GPC5: variants seen among roughly 807,000 people sequenced by gnomAD.
GPC5 encodes the protein glypican 5, also known as glypican-5.
A neutral mutation model predicts 53.9 loss-of-function variants in GPC5; 47 were observed. The ratio of observed to expected loss-of-function variants is 0.87; its 90% CI spans 0.69 to 1.11. GPC5 has a LOEUF of 1.11. GPC5 is among the 50% of genes most tolerant of loss of function. The pLI is 0.00. For missense variants in GPC5, 748 were observed against 713.1 expected (o/e 1.05, Z -0.56); for synonymous variants, 286 against 263.3 (o/e 1.09, Z -0.84).
intron 6 of GPC5, among the ~76,000 whole-genome samples, chr13:92,065,574 G>C (rs981506984): frequency 6.6e-6 from 1 of 152,078 alleles, no homozygotes. Context: ...AACTTCATAT[G>C]TTCTTATCAT....
chr13:92,332,988 C>T (rs2043298473), intron 7 of GPC5, among the ~76,000 whole-genome samples: 1 of 152,148 alleles, frequency 6.6e-6, no homozygotes, highest in Admixed American at 6.6e-5. Flanking sequence ...GTTGTCTTCA[C>T]TGTTTTGGAG....
chr13:91,736,194 A>G (rs963593203), intron 4 of GPC5, among the ~76,000 whole-genome samples: 1 of 151,318 alleles, frequency 6.6e-6, no homozygotes, highest in Non-Finnish European at 1.5e-5. Flanking sequence ...AAAATAATAA[A>G]GCAGGAATGT....
intron 7 of GPC5, among the ~76,000 whole-genome samples, chr13:92,676,562 C>T (rs1886945553): frequency 6.6e-6 from 1 of 152,048 alleles, no homozygotes; most frequent in Non-Finnish European, 1.5e-5. Context: ...TGGAGTCAGG[C>T]AAACCTCAGG....
chr13:92,784,737 A>G (rs1876154649), intron 7 of GPC5, among the ~76,000 whole-genome samples: 1 of 152,202 alleles, frequency 6.6e-6, no homozygotes, highest in African/African-American at 2.4e-5. Flanking sequence ...GATGCTTTCC[A>G]CAAATCAAAC....
intron 7 of GPC5, among the ~76,000 whole-genome samples, chr13:92,408,342 T>C (rs1468247760): frequency 5.3e-5 from 8 of 152,216 alleles, no homozygotes; most frequent in Non-Finnish European, 1.5e-5. Context: ...TTTCTTCTTA[T>C]TTCATGCTCA....
chr13:92,563,860 A>G (rs920829396), intron 7 of GPC5, among the ~76,000 whole-genome samples: 12 of 152,154 alleles, frequency 7.9e-5, no homozygotes, highest in African/African-American at 2.9e-4. Flanking sequence ...AAACACTTTC[A>G]TTCATTTATG....
chr13:92,532,107 G>C (rs1458167360), intron 7 of GPC5, among the ~76,000 whole-genome samples: 1 of 152,046 alleles, frequency 6.6e-6, no homozygotes, highest in Non-Finnish European at 1.5e-5. Context: ...ATCTATCACT[G>C]ACTTCCACAG....
chr13:92,586,703 C>T (rs936029782), intron 7 of GPC5, among the ~76,000 whole-genome samples: 8 of 152,156 alleles, frequency 5.3e-5, no homozygotes, highest in African/African-American at 1.7e-4. Flanking sequence ...GTGAATATGA[C>T]ACAGTCCTGC....
chr13:91,635,804 T>A (rs1466934958), intron 2 of GPC5, among the ~76,000 whole-genome samples: 1 of 152,120 alleles, frequency 6.6e-6, no homozygotes. Flanking sequence ...AATTATATTG[T>A]CAGTTTCATA....
At chr13:92,286,124 C>T (rs4517656) in intron 7 of GPC5, among the ~76,000 whole-genome samples, 4,330 of 152,240 alleles carry the variant, frequency 0.028, 221 homozygotes, top group African/African-American at 0.099. Flanking sequence ...AGCCAACAGA[C>T]ACGTGAAAAA....
chr13:91,413,580 T>G (rs754339260), intron 1 of GPC5, among the ~76,000 whole-genome samples: 1 of 152,260 alleles, frequency 6.6e-6, no homozygotes, highest in Non-Finnish European at 1.5e-5. Flanking sequence ...TATTTATAAA[T>G]GTCATTCACA....
At chr13:92,261,126 A>T (rs2042764030) in intron 7 of GPC5, among the ~76,000 whole-genome samples, 1 of 152,200 alleles carries the variant, frequency 6.6e-6, no homozygotes, top group Non-Finnish European at 1.5e-5. Flanking sequence ...TCATTAAATT[A>T]CATATGTTTG....
At position 91,598,657 on chromosome 13, in the gene GPC5, T is replaced by C. The variant is rs150684740; in HGVS notation, c.326-94530T>C. The stretch of plus-strand genomic sequence containing the variant: ...ATTAAATATATTTTTCTAAATGTCA[T>C]ATACTTTTAGAAAAATAAATATATT... On this transcript the variant is annotated intron_variant, in intron 2 of 7. Transcript: ENST00000377067. Among the ~76,000 whole-genome samples the C allele has an allele frequency of 5.3e-5, 8 of 152,176 alleles. No individual in the cohort carries two copies. The East Asian group carries it at 1.5e-3, about 29-fold the overall frequency.
chr13:91,576,275 G>A (rs1462428825), intron 2 of GPC5, among the ~76,000 whole-genome samples: 1 of 151,194 alleles, frequency 6.6e-6, no homozygotes, highest in African/African-American at 2.4e-5. Context: ...CAAAAAAAAT[G>A]ATTAATACAT....
intron 7 of GPC5, among the ~76,000 whole-genome samples, chr13:92,399,445 T>G (rs1875454913): frequency 6.6e-6 from 1 of 152,044 alleles, no homozygotes; most frequent in Admixed American, 6.6e-5. Context: ...CACCCAACTT[T>G]CTCCTTCCAG....
intron 2 of GPC5, among the ~76,000 whole-genome samples, chr13:91,564,788 G>C (rs1349133750): frequency 6.6e-6 from 1 of 151,852 alleles, no homozygotes; most frequent in Non-Finnish European, 1.5e-5. Context: ...GCATATTATC[G>C]ATTTTTGTTT....
chr13:91,950,272 T>G (rs1245525633), intron 6 of GPC5, among the ~76,000 whole-genome samples: 2 of 150,786 alleles, frequency 1.3e-5, no homozygotes, highest in Admixed American at 1.3e-4. Context: ...CCAAGTTTTT[T>G]TTTTTTTTTT....
chr13:92,603,044 A>G (rs959427351), intron 7 of GPC5, among the ~76,000 whole-genome samples: 2 of 152,236 alleles, frequency 1.3e-5, no homozygotes, highest in Non-Finnish European at 2.9e-5. Context: ...GCCTATGTAC[A>G]TAGTGTCTAC....
intron 2 of GPC5, among the ~76,000 whole-genome samples, chr13:91,535,996 A>G (rs1275943480): frequency 6.6e-6 from 1 of 152,212 alleles, no homozygotes; most frequent in Non-Finnish European, 1.5e-5. Context: ...ATTTCTATAT[A>G]TGATTAATAT....
Sources: gnomAD v4.1 joint callset for allele counts (sites outside exome capture counted in the v4.1 genomes callset) on GRCh38, gnomAD v4.1.1 for gene constraint, MANE v1.5 for transcripts, NCBI Gene and HGNC (gene_info 2026-07-23, HGNC 2026-07-21) for gene names.